INTS4: variants seen among roughly 807,000 people sequenced by gnomAD.
INTS4 encodes MSTP093.
Under a neutral mutation model 119.5 loss-of-function variants are expected in INTS4, and 70 were observed. The observed-to-expected ratio is 0.59, with a 90% CI of 0.48 to 0.71. The LOEUF (loss-of-function observed/expected upper bound fraction) is 0.71. Among genes scored for constraint, INTS4 ranks in the 30% least tolerant of loss-of-function variants. The probability of loss-of-function intolerance (pLI) is 0.00; values close to 1 mark genes in which losing one functional copy is unlikely to be tolerated. For missense variants in INTS4, 867 were observed against 1,173.2 expected (o/e 0.74, Z 3.81); for synonymous variants, 316 against 419.6 (o/e 0.75, Z 3.02).
At chr11:77,876,768 G>A (rs1951606187), downstream of INTS4, among the ~76,000 whole-genome samples, 1 of 152,160 alleles carries the variant, frequency 6.6e-6, no homozygotes, top group Non-Finnish European at 1.5e-5. Context: ...TGTCCCTTAG[G>A]AGACAGACAT....
At chr11:77,950,200 C>G (rs1218658729) in intron 8 of INTS4, among the ~76,000 whole-genome samples, 1 of 151,874 alleles carries the variant, frequency 6.6e-6, no homozygotes, top group African/African-American at 2.4e-5. Context: ...GGAAACATCA[C>G]ACACCAGGGA....
chr11:77,919,298 AT>A (rs71046924), intron 14 of INTS4, among the ~76,000 whole-genome samples: 4 of 149,596 alleles, frequency 2.7e-5, no homozygotes, highest in Non-Finnish European at 4.5e-5. Context: ...CTGTTGTTAC[AT>A]TTTTTTTTTT....
In INTS4 at chr11:77,878,990, G is replaced by T; in HGVS notation, c.2851C>A (p.Pro951Thr). 6.2e-7 allele frequency: 1 copy of T among 1,614,080 alleles called. No individual in the cohort carries two copies. Among genetic ancestry groups the T allele is most frequent in the Non-Finnish European group, 8.5e-7 (1 of 1,180,016 alleles). ...TTGGGCATTATATAAACTTTTACAG[G>T]CTTGCTGAAGGGAATGGTGCCCTCG... ...SIEGTIPFSKPVKVYIMPKPA... is the reference protein window; with the variant it reads ...SIEGTIPFSKTVKVYIMPKPA... Residue 951 changes from proline (P) to threonine (T), a missense_variant, in exon 23 of 23, where the codon CCT (proline) becomes ACT (threonine). Pro to Thr is a conservative substitution (Grantham distance 38). Coordinates refer to ENST00000534064, the MANE Select transcript of INTS4 (RefSeq NM_033547.4).
chr11:77,960,446 A>G (rs1954439917), intron 5 of INTS4, 55 bp from the exon 6 acceptor site: 2 of 1,263,340 alleles, frequency 1.6e-6, no homozygotes, highest in African/African-American at 3.0e-5. Flanking sequence ...AATATTTCCA[A>G]TGTCTCCCCA....
intron 8 of INTS4, among the ~76,000 whole-genome samples, chr11:77,950,313 T>C (rs1489276958): frequency 6.6e-6 from 1 of 151,944 alleles, no homozygotes; most frequent in Non-Finnish European, 1.5e-5. Context: ...CATGTATACC[T>C]ATGTCACAAA....
At chr11:77,889,165 G>T (rs944973723) in intron 21 of INTS4, among the ~76,000 whole-genome samples, 7 of 152,120 alleles carry the variant, frequency 4.6e-5, no homozygotes, top group African/African-American at 1.7e-4. Flanking sequence ...GCAAAGACTT[G>T]GAACCAACCC....
chr11:77,932,104 T>G (rs565549200), intron 10 of INTS4, among the ~76,000 whole-genome samples: 48 of 152,158 alleles, frequency 3.2e-4, no homozygotes, highest in Non-Finnish European at 6.5e-4. Flanking sequence ...CTAATTAAAC[T>G]AAAGAGCTTC....
chr11:77,938,722 G>C lies in INTS4; in HGVS notation c.1094C>G (p.Thr365Ser), dbSNP rs764116210. ...GDDAPKEEVD[T>S]GAVNLIESGA... is the part of the protein sequence containing the mutation. ...TGACTCAATCAAGTTCACAGCCCCGGTATCTACTTCTTCCTTGGGAGCATC... is the reference window on the plus strand; with the variant it reads ...TGACTCAATCAAGTTCACAGCCCCGCTATCTACTTCTTCCTTGGGAGCATC... The change falls in exon 10 of 23, where the codon ACC (threonine) becomes AGC (serine). Residue 365 changes from threonine to serine, a missense_variant. Physicochemically the swap from Thr to Ser is moderately conservative, Grantham distance 58. Coordinates refer to ENST00000534064, the MANE Select transcript of INTS4 (RefSeq NM_033547.4). The C allele has an allele frequency of 6.2e-7, 1 of 1,611,920 alleles. No homozygotes were observed. Among genetic ancestry groups the C allele is most frequent in the Non-Finnish European group, 8.5e-7 (1 of 1,179,842 alleles).
At chr11:77,962,462 T>C (rs1378814169) in intron 4 of INTS4, among the ~76,000 whole-genome samples, 1 of 152,176 alleles carries the variant, frequency 6.6e-6, no homozygotes, top group Non-Finnish European at 1.5e-5. Context: ...TCCTCCTGCA[T>C]TACCCTAGTC....
chr11:77,992,153 T>C lies in INTS4; in HGVS notation c.55-854A>G, dbSNP rs186645861. On this transcript the variant is annotated intron_variant, in intron 1 of 22. Coordinates refer to ENST00000534064, the MANE Select transcript of INTS4 (RefSeq NM_033547.4). ...TGGCTCATGCCTGTAATCCCAGCACTTTGAGAGGCTTAGGCAGGCGGATCA... is the reference window on the plus strand; with the variant it reads ...TGGCTCATGCCTGTAATCCCAGCACCTTGAGAGGCTTAGGCAGGCGGATCA... Among the ~76,000 whole-genome samples, 1,173 of 152,144 alleles carry C rather than the reference T, an allele frequency of 7.7e-3. 8 individuals carry two copies. Among genetic ancestry groups the C allele is most frequent in the Non-Finnish European group, 0.012 (830 of 67,982 alleles).
intron 8 of INTS4, among the ~76,000 whole-genome samples, chr11:77,950,472 G>A (rs7115801): frequency 0.19 from 29,228 of 151,988 alleles, 2,851 homozygotes; most frequent in Middle Eastern, 0.23. Context: ...CAGATACAAA[G>A]TCACAATGAA....
chr11:77,926,704 C>T (rs753265694), intron 11 of INTS4, among the ~76,000 whole-genome samples: 1 of 150,696 alleles, frequency 6.6e-6, no homozygotes, highest in Non-Finnish European at 1.5e-5. Flanking sequence ...CCCAGCTGCT[C>T]GGGAGACTGA....
chr11:77,881,911 G>GT (rs951135442), intron 22 of INTS4, among the ~76,000 whole-genome samples: 3,469 of 144,730 alleles, frequency 0.024, 97 homozygotes, highest in African/African-American at 0.074. Context: ...GTTTCTGATG[G>GT]TTTTTTTTTT....
intron 18 of INTS4, among the ~76,000 whole-genome samples, chr11:77,897,760 C>T (rs1952594560): frequency 6.6e-6 from 1 of 152,026 alleles, no homozygotes. Context: ...CCGATTCGGC[C>T]TCCCAAAGTG....
At position 77,883,931 on chromosome 11, in the gene INTS4, C is replaced by T; in HGVS notation, c.2614G>A (p.Ala872Thr). 6.2e-7 allele frequency: 1 copy of T among 1,613,142 alleles called. No individual in the cohort carries two copies. The highest frequency in any genetic ancestry group is 8.5e-7 in the Non-Finnish European group (1 of 1,179,584). The change falls in exon 22 of 23, where the codon GCT becomes ACT. Residue 872 changes from alanine to threonine, a missense_variant. Physicochemically the swap from Ala to Thr is moderately conservative, Grantham distance 58 (BLOSUM62 0). Coordinates refer to ENST00000534064, the MANE Select transcript of INTS4 (RefSeq NM_033547.4). ...GCAGGCTTGGGGTGAATCATCTGAG[C>T]CTGGCCATCTGGATATAAGACCTAA... is the stretch of plus-strand genomic sequence containing the variant. The part of the protein sequence containing the change: ...KVQVLYPDGQ[A>T]QMIHPKPADF...
intron 4 of INTS4, among the ~76,000 whole-genome samples, chr11:77,966,251 T>C (rs1855500820): frequency 6.6e-6 from 1 of 152,218 alleles, no homozygotes; most frequent in African/African-American, 2.4e-5. Context: ...CCTCTATGGG[T>C]TGTCTCTTCA....
intron 16 of INTS4, among the ~76,000 whole-genome samples, chr11:77,907,408 T>G (rs768973560): frequency 3.3e-5 from 5 of 152,186 alleles, no homozygotes; most frequent in Non-Finnish European, 7.3e-5. Context: ...AGTCTAAAAC[T>G]TCATACAATT....
chr11:77,909,947 G>A (rs1303183220), intron 15 of INTS4, among the ~76,000 whole-genome samples: 3 of 152,240 alleles, frequency 2.0e-5, no homozygotes, highest in East Asian at 3.9e-4. Flanking sequence ...GAATCAACAC[G>A]TGCTGGAGAG....
At chr11:77,875,579 T>C (rs991267124), downstream of INTS4, among the ~76,000 whole-genome samples, 1 of 152,234 alleles carries the variant, frequency 6.6e-6, no homozygotes, top group African/African-American at 2.4e-5. Flanking sequence ...TTCCAATTGC[T>C]GTTATCTTCT....
Sources: gnomAD v4.1 joint callset for allele counts (sites outside exome capture counted in the v4.1 genomes callset) on GRCh38, gnomAD v4.1.1 for gene constraint, MANE v1.5 for transcripts, NCBI Gene and HGNC (gene_info 2026-07-23, HGNC 2026-07-21) for gene names.